Variants in CEP128 observed in about 807,000 individuals in gnomAD.
CEP128 encodes centrosomal protein 128.
A neutral mutation model predicts 156.7 loss-of-function variants in CEP128; 132 were observed. That is an observed-to-expected ratio of 0.84 (90% CI 0.73 to 0.97). The LOEUF is 0.97. Among genes scored for constraint, CEP128 ranks in the 50% least tolerant of loss-of-function variants. The probability of loss-of-function intolerance (pLI) is 0.00; values close to 1 mark genes in which losing one functional copy is unlikely to be tolerated. For synonymous variants in CEP128, 469 were observed against 448.9 expected, an observed-to-expected ratio of 1.04 and a Z score of -0.57; for missense variants, 1,252 against 1,281.9, an observed-to-expected ratio of 0.98 and a Z score of 0.36.
intron 19 of CEP128, among the ~76,000 whole-genome samples, chr14:80,670,923 T>C (rs1009876074): frequency 1.3e-5 from 2 of 152,346 alleles, no homozygotes; most frequent in African/African-American, 2.4e-5. Context: ...ACACATACTT[T>C]GTATTCTTTA....
At chr14:80,858,567 G>A (rs1354211100) in intron 9 of CEP128, among the ~76,000 whole-genome samples, 3 of 134,142 alleles carry the variant, frequency 2.2e-5, no homozygotes, top group East Asian at 2.1e-4. Flanking sequence ...AAACTAAAGA[G>A]CTTCTGCACA....
intron 9 of CEP128, among the ~76,000 whole-genome samples, chr14:80,849,875 A>T (rs539483715): frequency 2.8e-4 from 42 of 152,254 alleles, no homozygotes; most frequent in Non-Finnish European, 2.6e-4. Flanking sequence ...TAGGAGAAAG[A>T]GGTTTAGGTC....
At position 80,886,298 on chromosome 14, in the gene CEP128, C is replaced by T. The variant is rs565247629; in HGVS notation, c.645+9420G>A. Among the ~76,000 whole-genome samples the T allele has an allele frequency of 5.3e-5, 8 of 152,132 alleles. No homozygotes were observed. The Middle Eastern group carries it at 0.01, about 194-fold the overall frequency. On this transcript the variant is annotated intron_variant, in intron 8 of 24. Transcript: ENST00000555265. Reference sequence around the variant, plus strand: ...CAGAGAACACCACTAAGATACTCCTCGAGAAGAGCAACCCCAAGACACAAA... The same window carrying T: ...CAGAGAACACCACTAAGATACTCCTTGAGAAGAGCAACCCCAAGACACAAA...
chr14:80,507,233 C>T (rs1052789294), intron 23 of CEP128, among the ~76,000 whole-genome samples: 3 of 152,026 alleles, frequency 2.0e-5, no homozygotes, highest in African/African-American at 7.2e-5. Context: ...CAGACTAATA[C>T]AGGAGGTTAG....
At chr14:80,651,406 C>T (rs1417311998) in intron 19 of CEP128, among the ~76,000 whole-genome samples, 1 of 152,066 alleles carries the variant, frequency 6.6e-6, no homozygotes, top group Admixed American at 6.6e-5. Flanking sequence ...TTTTCCATGT[C>T]TCTATCTCCT....
At chr14:80,944,352 C>G (rs1886276325), upstream of CEP128, among the ~76,000 whole-genome samples, 1 of 152,062 alleles carries the variant, frequency 6.6e-6, no homozygotes. Context: ...GGCAGTTCCC[C>G]CACGCTGTTC....
chr14:80,786,066 C>T (rs1457499064), intron 14 of CEP128, among the ~76,000 whole-genome samples: 1 of 151,940 alleles, frequency 6.6e-6, no homozygotes, highest in Non-Finnish European at 1.5e-5. Context: ...TCAATGGTGA[C>T]GAAAACTCAC....
chr14:80,916,551 T>G lies in CEP128; in HGVS notation c.-4A>C. On this transcript the variant is annotated 5_prime_UTR_variant, in exon 3 of 25. Coordinates refer to ENST00000555265, the MANE Select transcript of CEP128 (RefSeq NM_152446.5). ...ATTCGCTGGATGATTCTGCCATTGA[T>G]GTACACAAATCCTTTTAAATAAATA... 1 of 1,612,278 alleles carries G rather than the reference T, an allele frequency of 6.2e-7. No homozygotes were observed. The highest frequency in any genetic ancestry group is 2.2e-5 in the East Asian group (1 of 44,870).
chr14:80,900,097 G>A, intron 6 of CEP128, 68 bp from the exon 7 acceptor site: 1 of 1,000,776 alleles, frequency 1.0e-6, no homozygotes, highest in South Asian at 1.4e-5. Flanking sequence ...ATTCACCAAA[G>A]GTAAGAATAA....
intron 13 of CEP128, among the ~76,000 whole-genome samples, chr14:80,805,153 T>C (rs1225392507): frequency 6.6e-6 from 1 of 151,900 alleles, no homozygotes; most frequent in African/African-American, 2.4e-5. Flanking sequence ...CAAACCTTGA[T>C]AACCTAGATA....
chr14:80,541,346 G>A (rs901281233), intron 21 of CEP128, among the ~76,000 whole-genome samples: 10 of 147,650 alleles, frequency 6.8e-5, no homozygotes, highest in African/African-American at 2.5e-4. Flanking sequence ...GAAAAAAGTA[G>A]ATATGGGGTT....
intron 19 of CEP128, among the ~76,000 whole-genome samples, chr14:80,637,600 G>A (rs532995765): frequency 6.6e-6 from 1 of 152,274 alleles, no homozygotes; most frequent in African/African-American, 2.4e-5. Context: ...ATTTTTATCA[G>A]ATAAATCACT....
intron 19 of CEP128, among the ~76,000 whole-genome samples, chr14:80,618,931 G>A (rs958927947): frequency 3.9e-4 from 59 of 152,166 alleles, no homozygotes; most frequent in African/African-American, 1.4e-3. Flanking sequence ...ATAGTGTTGC[G>A]CTAGCTAAAG....
intron 19 of CEP128, among the ~76,000 whole-genome samples, chr14:80,656,031 T>C (rs1895118607): frequency 6.6e-6 from 1 of 151,722 alleles, no homozygotes; most frequent in East Asian, 2.0e-4. Context: ...TTACTAAACA[T>C]CCTTCCATGT....
chr14:80,817,304 T>G (rs1884917978), intron 13 of CEP128, among the ~76,000 whole-genome samples: 1 of 152,076 alleles, frequency 6.6e-6, no homozygotes, highest in South Asian at 2.1e-4. Flanking sequence ...CTAAAATGTC[T>G]AATCTCAAAA....
chr14:80,949,314 T>G (rs1224672102), intron 2 of CEP128, among the ~76,000 whole-genome samples: 1 of 151,198 alleles, frequency 6.6e-6, no homozygotes, highest in Non-Finnish European at 1.5e-5. Flanking sequence ...AAGCTGAGAG[T>G]TTGGAAAGAT....
intron 19 of CEP128, among the ~76,000 whole-genome samples, chr14:80,651,266 C>T (rs965553862): frequency 9.9e-5 from 15 of 152,068 alleles, no homozygotes; most frequent in African/African-American, 3.4e-4. Context: ...GGTGATATCC[C>T]CTTTATCATT....
chr14:80,888,070 C>G (rs990362675), intron 8 of CEP128, among the ~76,000 whole-genome samples: 5 of 152,116 alleles, frequency 3.3e-5, no homozygotes, highest in African/African-American at 1.2e-4. Flanking sequence ...CCTCCCAAGA[C>G]TAAACCAGGA....
chr14:80,810,634 G>A (rs1191750939), intron 13 of CEP128, among the ~76,000 whole-genome samples: 6 of 152,140 alleles, frequency 3.9e-5, no homozygotes, highest in Non-Finnish European at 7.3e-5. Context: ...TTTGGTAACA[G>A]AGTAATGTTG....
Sources: allele counts gnomAD v4.1 joint callset (sites outside exome capture counted in the v4.1 genomes callset), GRCh38; gene constraint gnomAD v4.1.1; transcripts MANE v1.5; gene names NCBI Gene and HGNC (gene_info 2026-07-23, HGNC 2026-07-21).